Variants in MTA3 observed in about 807,000 individuals in gnomAD.
The protein encoded by MTA3 is metastasis-associated protein MTA3.
Under a neutral mutation model 83.5 loss-of-function variants are expected in MTA3, and 34 were observed. The observed-to-expected ratio is 0.41, with a 90% CI of 0.31 to 0.54. The LOEUF is 0.54. MTA3 is among the 20% of genes least tolerant of loss of function. The probability of loss-of-function intolerance (pLI) is 0.33; values close to 1 mark genes in which losing one functional copy is unlikely to be tolerated. For synonymous variants in MTA3, 303 were observed against 252.7 expected (o/e 1.20, Z -1.89); for missense variants, 761 against 726.4 (o/e 1.05, Z -0.55).
At chr2:42,500,440 C>G (rs1416798006) in intron 2 of MTA3, among the ~76,000 whole-genome samples, 1 of 151,950 alleles carries the variant, frequency 6.6e-6, no homozygotes, top group East Asian at 1.9e-4. Context: ...TGCCTGTAGT[C>G]CCTGCTACTC....
At chr2:42,584,313 C>T (rs1006573506) in intron 3 of MTA3, among the ~76,000 whole-genome samples, 5 of 152,080 alleles carry the variant, frequency 3.3e-5, no homozygotes, top group Non-Finnish European at 5.9e-5. Context: ...TTTTGAAGCA[C>T]GTCAAAGAAG....
intron 2 of MTA3, among the ~76,000 whole-genome samples, chr2:42,577,105 A>AAAAAAATATATATATAT (rs1211189566): frequency 1.2e-5 from 1 of 86,952 alleles, no homozygotes; most frequent in African/African-American, 5.5e-5. Flanking sequence ...AAAAAAAAAA[A>AAAAAAATATATATATAT]ATATATATAT....
At chr2:42,728,563 G>A (rs1299793650) in intron 16 of MTA3, among the ~76,000 whole-genome samples, 1 of 152,084 alleles carries the variant, frequency 6.6e-6, no homozygotes, top group Non-Finnish European at 1.5e-5. Flanking sequence ...CAGTGTATAG[G>A]GTTCCCACCA....
At chr2:42,644,490 G>A (rs1467850927) in intron 6 of MTA3, among the ~76,000 whole-genome samples, 2 of 152,156 alleles carry the variant, frequency 1.3e-5, no homozygotes, top group Admixed American at 6.5e-5. Context: ...ACTCCCAAAA[G>A]TGATGCTATT....
chr2:42,538,807 G>A (rs1350502758), intron 2 of MTA3, among the ~76,000 whole-genome samples: 14 of 135,356 alleles, frequency 1.0e-4, no homozygotes, highest in East Asian at 2.1e-4. Context: ...TCGCCTTGTC[G>A]CCCAGGTCGG....
intron 6 of MTA3, among the ~76,000 whole-genome samples, chr2:42,650,775 G>A (rs1177071657): frequency 6.6e-6 from 1 of 152,142 alleles, no homozygotes; most frequent in Non-Finnish European, 1.5e-5. Context: ...TTTGATTACT[G>A]TTGCCATATA....
chr2:42,521,537 G>A (rs1206888329), intron 2 of MTA3, among the ~76,000 whole-genome samples: 1 of 152,094 alleles, frequency 6.6e-6, no homozygotes, highest in Non-Finnish European at 1.5e-5. Context: ...CCACCTTCAT[G>A]GGCAACTCAA....
At chr2:42,711,736 A>G (rs1666625324) in intron 14 of MTA3, among the ~76,000 whole-genome samples, 1 of 137,722 alleles carries the variant, frequency 7.3e-6, no homozygotes, top group South Asian at 2.5e-4. Context: ...TGATGTCCAT[A>G]GGCAACCATG....
intron 9 of MTA3, 117 bp from the exon 10 acceptor site, chr2:42,695,634 CAAAAAAAAAAAAAA>C (rs70963347): frequency 3.1e-4 from 40 of 130,790 alleles, no homozygotes; most frequent in Middle Eastern, 2.9e-3. Context: ...CAGTCTATCT[CAAAAAAAAAAAAAA>C]AAAAAAAAAA....
rs1558626106 is a variant in MTA3 at position 42,729,104 on chromosome 2, T to TC, written c.1759+6069_1759+6070insC. ...AGTTTGAGTTTTTTTTTTTTTTTTT[T>TC]TTTTTTTTTCACAGAGTCATGCTCT... On this transcript the variant is annotated intron_variant, in intron 16 of 16. Coordinates refer to ENST00000405094, the MANE Select transcript of MTA3 (RefSeq NM_001330442.2). Among the ~76,000 whole-genome samples, 2 of 129,308 alleles carry TC rather than the reference T, an allele frequency of 1.5e-5. 1 individual carries two copies. The highest frequency in any genetic ancestry group is 6.2e-5 in the African/African-American group (2 of 32,466). 84.8% of individuals were successfully genotyped at this position (129,308 alleles called of 152,430 possible).
intron 3 of MTA3, among the ~76,000 whole-genome samples, chr2:42,593,779 C>T (rs894032610): frequency 6.6e-6 from 1 of 152,058 alleles, no homozygotes; most frequent in Non-Finnish European, 1.5e-5. Flanking sequence ...CACTGCATTT[C>T]AGCAGCCTGG....
At chr2:42,532,917 C>T (rs544649652) in intron 2 of MTA3, 53 of 273,398 alleles carry the variant, frequency 1.9e-4, no homozygotes, top group African/African-American at 1.1e-3. Flanking sequence ...TTTTCCTTCA[C>T]GCGCTTCAGG....
At chr2:42,641,597 C>T (rs554421687) in intron 5 of MTA3, among the ~76,000 whole-genome samples, 10 of 151,950 alleles carry the variant, frequency 6.6e-5, no homozygotes, top group African/African-American at 2.2e-4. Context: ...CATGTGATCC[C>T]AGCGCTTTGG....
intron 2 of MTA3, among the ~76,000 whole-genome samples, chr2:42,517,193 G>T (rs1033429315): frequency 6.6e-6 from 1 of 152,056 alleles, no homozygotes; most frequent in Non-Finnish European, 1.5e-5. Context: ...ACGGGAGGCG[G>T]CGGTTGCAGT....
chr2:42,642,482 G>A (rs913051770), intron 5 of MTA3, among the ~76,000 whole-genome samples: 9 of 151,602 alleles, frequency 5.9e-5, no homozygotes, highest in African/African-American at 1.7e-4. Flanking sequence ...ATAGTGAGAC[G>A]TCGTCTCTAT....
intron 2 of MTA3, among the ~76,000 whole-genome samples, chr2:42,506,534 G>A (rs374525000): frequency 1.4e-4 from 21 of 152,078 alleles, no homozygotes; most frequent in East Asian, 9.6e-4. Context: ...TTTGAATGCC[G>A]ATTGTGATTC....
At chr2:42,579,038 A>T in intron 2 of MTA3, 69 bp from the exon 3 acceptor site, 3 of 996,372 alleles carry the variant, frequency 3.0e-6, no homozygotes, top group Non-Finnish European at 4.5e-6. Context: ...TGCTGTATCT[A>T]GTTTCGTTGT....
At chr2:42,664,156 C>G (rs879789237) in intron 8 of MTA3, among the ~76,000 whole-genome samples, 4 of 152,150 alleles carry the variant, frequency 2.6e-5, no homozygotes, top group Non-Finnish European at 4.4e-5. Flanking sequence ...TGAGGCAGCA[C>G]TGAAGAAGAT....
At chr2:42,729,513 C>T (rs1187190973) in intron 16 of MTA3, among the ~76,000 whole-genome samples, 1 of 152,178 alleles carries the variant, frequency 6.6e-6, no homozygotes, top group Non-Finnish European at 1.5e-5. Flanking sequence ...CCAGTTTTCC[C>T]AGTGCCATTT....
Sources: allele counts gnomAD v4.1 joint callset (sites outside exome capture counted in the v4.1 genomes callset), GRCh38; gene constraint gnomAD v4.1.1; transcripts MANE v1.5; gene names NCBI Gene and HGNC (gene_info 2026-07-23, HGNC 2026-07-21).